The following CNTNAP5 variants were observed in gnomAD, a reference collection of about 807,000 sequenced individuals.
CNTNAP5 encodes contactin associated protein family member 5, also known as contactin-associated protein-like 5.
A neutral mutation model predicts 150.2 loss-of-function variants in CNTNAP5; 72 were observed. The ratio of observed to expected loss-of-function variants is 0.48; its 90% CI spans 0.40 to 0.58. The LOEUF (loss-of-function observed/expected upper bound fraction) is 0.58, where lower values mean the gene tolerates loss of function less well. Among genes scored for constraint, CNTNAP5 ranks in the 20% least tolerant of loss-of-function variants. The probability of loss-of-function intolerance (pLI) is 0.00; values close to 1 mark genes in which losing one functional copy is unlikely to be tolerated. For synonymous variants in CNTNAP5, 672 were observed against 619.8 expected (o/e 1.08, Z -1.25); for missense variants, 1,636 against 1,626.2 (o/e 1.01, Z -0.10).
intron 12 of CNTNAP5, among the ~76,000 whole-genome samples, chr2:124,622,130 C>T (rs543885420): frequency 3.9e-4 from 59 of 152,124 alleles, no homozygotes; most frequent in African/African-American, 1.3e-3. Context: ...AACCCCCACC[C>T]TTTGACAAGC....
At chr2:124,582,325 A>G (rs373486526) in intron 11 of CNTNAP5, among the ~76,000 whole-genome samples, 1 of 152,318 alleles carries the variant, frequency 6.6e-6, no homozygotes, top group Non-Finnish European at 1.5e-5. Flanking sequence ...TCACTCCAGA[A>G]ACCAGGATTT....
chr2:124,525,241 G>C lies in CNTNAP5; in HGVS notation c.1477+789G>C, dbSNP rs954245040. 2.6e-5 allele frequency among the ~76,000 whole-genome samples: 4 copies of C among 152,110 alleles called. No homozygotes were observed. In the East Asian group the frequency reaches 7.7e-4, roughly 29 times the overall value. ...GTATTATAGAAACAGTCTCTGAAAAGGATTTAACCTCAATAGCTGTCTGAC... is the reference window on the plus strand; with the variant it reads ...GTATTATAGAAACAGTCTCTGAAAACGATTTAACCTCAATAGCTGTCTGAC... On this transcript the variant is annotated intron_variant, in intron 9 of 23. Coordinates refer to ENST00000682447, the MANE Select transcript of CNTNAP5 (RefSeq NM_001367498.1).
intron 10 of CNTNAP5, among the ~76,000 whole-genome samples, chr2:124,551,527 G>T (rs545714540): frequency 6.6e-6 from 1 of 152,180 alleles, no homozygotes; most frequent in Non-Finnish European, 1.5e-5. Context: ...CAACCTAGCT[G>T]ATTTTTAATG....
intron 1 of CNTNAP5, among the ~76,000 whole-genome samples, chr2:124,073,526 G>A (rs190992023): frequency 1.9e-4 from 29 of 151,706 alleles, no homozygotes; most frequent in Admixed American, 1.1e-3. Flanking sequence ...AAGATTGACT[G>A]AGATCTGAAT....
chr2:124,166,003 G>A (rs1317646482), intron 1 of CNTNAP5, among the ~76,000 whole-genome samples: 2 of 152,126 alleles, frequency 1.3e-5, no homozygotes, highest in African/African-American at 4.8e-5. Context: ...AGTATGCAGA[G>A]GATTGTGAGT....
At chr2:124,837,549 T>C (rs1682856449) in intron 19 of CNTNAP5, among the ~76,000 whole-genome samples, 1 of 152,154 alleles carries the variant, frequency 6.6e-6, no homozygotes, top group African/African-American at 2.4e-5. Context: ...TTACTCTATT[T>C]TTAGTCCCTC....
intron 5 of CNTNAP5, among the ~76,000 whole-genome samples, chr2:124,444,668 G>A (rs966092238): frequency 1.3e-5 from 2 of 152,078 alleles, no homozygotes. Context: ...CCTACTCAAA[G>A]TTCCATTTCT....
intron 1 of CNTNAP5, among the ~76,000 whole-genome samples, chr2:124,033,435 G>T (rs566849276): frequency 3.9e-5 from 6 of 152,228 alleles, no homozygotes; most frequent in African/African-American, 1.4e-4. Flanking sequence ...TTGTATCTCT[G>T]TTTTCCCCTC....
chr2:124,854,989 A>G lies in CNTNAP5; in HGVS notation c.3218-10317A>G, dbSNP rs114396231. Among the ~76,000 whole-genome samples the G allele has an allele frequency of 5.1e-3, 777 of 152,234 alleles. 14 individuals carry two copies. The highest frequency in any genetic ancestry group is 0.017 in the African/African-American group (726 of 41,548). ...GGGAAAAGAGAAACAAAATAAAACA[A>G]AAACATAACAATGTGCAGAGGCAAG... On this transcript the variant is annotated intron_variant, in intron 19 of 23. Coordinates refer to ENST00000682447, the MANE Select transcript of CNTNAP5 (RefSeq NM_001367498.1).
intron 11 of CNTNAP5, among the ~76,000 whole-genome samples, chr2:124,586,983 A>G (rs1696553321): frequency 6.6e-6 from 1 of 152,154 alleles, no homozygotes; most frequent in Non-Finnish European, 1.5e-5. Context: ...TTCCTGCTGA[A>G]TGGTGAGTGG....
In CNTNAP5 at chr2:124,277,456, G is replaced by A. The variant is rs547760885; in HGVS notation, c.381+35063G>A. ...TTTTCAAAATGGATATGATATACAG[G>A]AGTGATGCAGAAAGCTAAACAGTCT... On this transcript the variant is annotated intron_variant, in intron 3 of 23. Transcript: ENST00000682447. Among the ~76,000 whole-genome samples the A allele has an allele frequency of 4.6e-5, 7 of 152,254 alleles. 2 individuals are homozygous for A. Among genetic ancestry groups the A allele is most frequent in the African/African-American group, 1.7e-4 (7 of 41,576 alleles).
intron 1 of CNTNAP5, among the ~76,000 whole-genome samples, chr2:124,203,477 G>T (rs1032527884): frequency 5.3e-5 from 8 of 152,146 alleles, no homozygotes; most frequent in Non-Finnish European, 8.8e-5. Flanking sequence ...TGCCCCAGTG[G>T]GCACTCTGTG....
intron 3 of CNTNAP5, among the ~76,000 whole-genome samples, chr2:124,416,726 A>G (rs114350208): frequency 0.018 from 2,789 of 152,244 alleles, 36 homozygotes; most frequent in Middle Eastern, 0.031. Flanking sequence ...AGTGCTTAGC[A>G]TAGTGACTGG....
intron 3 of CNTNAP5, among the ~76,000 whole-genome samples, chr2:124,386,847 A>C (rs1028809989): frequency 2.0e-5 from 3 of 152,166 alleles, no homozygotes; most frequent in African/African-American, 7.2e-5. Context: ...TTGAAACCCT[A>C]ATCCCAATGT....
chr2:124,244,642 G>C (rs753161024), intron 3 of CNTNAP5, among the ~76,000 whole-genome samples: 2 of 152,112 alleles, frequency 1.3e-5, no homozygotes, highest in Non-Finnish European at 2.9e-5. Context: ...GTGATTTGAG[G>C]AGGGACCATT....
At chr2:124,319,150 A>G (rs908319306) in intron 3 of CNTNAP5, among the ~76,000 whole-genome samples, 13 of 152,254 alleles carry the variant, frequency 8.5e-5, no homozygotes, top group African/African-American at 3.1e-4. Flanking sequence ...AGTGAATGAC[A>G]AGATACCTAT....
chr2:124,311,026 G>A (rs1688815591), intron 3 of CNTNAP5, among the ~76,000 whole-genome samples: 2 of 152,180 alleles, frequency 1.3e-5, no homozygotes, highest in South Asian at 2.1e-4. Context: ...GGTAGTGAGA[G>A]AAGCACTCCA....
intron 8 of CNTNAP5, among the ~76,000 whole-genome samples, chr2:124,510,273 C>CCATATCTATATATA (rs1553474634): frequency 5.9e-5 from 2 of 33,918 alleles, no homozygotes; most frequent in East Asian, 0.012. Flanking sequence ...ATCTATATAT[C>CCATATCTATATATA]TATATCTATA....
chr2:124,075,342 C>T (rs887182639), intron 1 of CNTNAP5, among the ~76,000 whole-genome samples: 2 of 152,090 alleles, frequency 1.3e-5, no homozygotes, highest in Non-Finnish European at 2.9e-5. Flanking sequence ...TCTGCACTTT[C>T]GATGCCATGA....
Sources: allele counts gnomAD v4.1 joint callset (sites outside exome capture counted in the v4.1 genomes callset), GRCh38; gene constraint gnomAD v4.1.1; transcripts MANE v1.5; gene names NCBI Gene and HGNC (gene_info 2026-07-23, HGNC 2026-07-21).